Variants in TIPRL observed in about 807,000 individuals in gnomAD.
TIPRL encodes the protein TOR signaling pathway regulator.
In TIPRL, 10 loss-of-function variants were observed where a neutral mutation model predicts 32.3. The observed-to-expected ratio is 0.31, with a 90% CI of 0.19 to 0.52. The LOEUF is 0.52. Ranked by LOEUF, TIPRL falls within the 20% of genes least tolerant of loss-of-function variation. The pLI, the probability that TIPRL is intolerant of heterozygous loss-of-function variation, is 0.96. For missense variants in TIPRL, 250 were observed against 328.1 expected, an observed-to-expected ratio of 0.76 and a Z score of 1.84; for synonymous variants, 100 against 114.0, an observed-to-expected ratio of 0.88 and a Z score of 0.78.
rs891853643 is a variant in TIPRL, at chr1:168,201,639, CAT to C, written c.*1594_*1595del. ...AGACACACACACACACACACACACA[CAT>C]GTTGTGTTCAGCTTTCTGTTTTATA... is the stretch of plus-strand genomic sequence containing the variant. On this transcript the variant is annotated 3_prime_UTR_variant, in exon 7 of 7. Coordinates refer to ENST00000367833, the MANE Select transcript of TIPRL (RefSeq NM_152902.5). 11 of 144,294 alleles carry C rather than the reference CAT, an allele frequency of 7.6e-5. No individual in the cohort carries two copies. The highest frequency in any genetic ancestry group is 3.6e-3 in the Middle Eastern group (1 of 278). 8.9% of individuals were successfully genotyped at this position (144,294 alleles called of 1,614,324 possible).
intron 1 of TIPRL, among the ~76,000 whole-genome samples, chr1:168,180,790 C>G (rs1440866777): frequency 1.4e-5 from 2 of 143,262 alleles, no homozygotes; most frequent in Non-Finnish European, 3.1e-5. Context: ...TTTTTCCTCT[C>G]TATATCTTTC....
intron 1 of TIPRL, among the ~76,000 whole-genome samples, chr1:168,182,309 G>C (rs1254452198): frequency 6.6e-6 from 1 of 151,862 alleles, no homozygotes; most frequent in Non-Finnish European, 1.5e-5. Flanking sequence ...TTTTTAAGTG[G>C]GAAGCTTGAT....
chr1:168,187,436 T>A (rs915062863), intron 3 of TIPRL, among the ~76,000 whole-genome samples: 1 of 152,098 alleles, frequency 6.6e-6, no homozygotes. Flanking sequence ...CAAAAAGCAT[T>A]TGTTCAGTAC....
intron 4 of TIPRL, chr1:168,192,385 T>G: frequency 9.9e-7 from 1 of 1,015,130 alleles, no homozygotes; most frequent in Non-Finnish European, 1.2e-6. Context: ...ATAAAAGAAG[T>G]AGAAAACACA....
intron 1 of TIPRL, among the ~76,000 whole-genome samples, chr1:168,180,223 A>G (rs113278858): frequency 6.6e-6 from 1 of 151,994 alleles, no homozygotes; most frequent in Non-Finnish European, 1.5e-5. Context: ...TGGCCAGCTG[A>G]TGGGAGGAGA....
At chr1:168,197,750 C>T (rs1401814677) in intron 5 of TIPRL, among the ~76,000 whole-genome samples, 2 of 152,138 alleles carry the variant, frequency 1.3e-5, no homozygotes, top group Non-Finnish European at 2.9e-5. Context: ...CGGTCTTGAA[C>T]TCCTGACCTC....
In TIPRL at chr1:168,184,782, G is replaced by A; in HGVS notation, c.288G>A (p.Thr96=). ...CCTTCTCATTTTGGTATTTGAGGAC[G>A]GAGGGTGAACACTCCAAAGAGGTTA... The part of the protein sequence containing the change: ...ACAEEWQESR[T]EGEHSKEVIK... The change falls in exon 3 of 7, where the codon ACG becomes ACA. Residue 96 remains threonine (T), a synonymous_variant. Coordinates refer to ENST00000367833, the MANE Select transcript of TIPRL (RefSeq NM_152902.5). 5 of 1,607,090 alleles carry A rather than the reference G, an allele frequency of 3.1e-6. No individual in the cohort carries two copies. The highest frequency in any genetic ancestry group is 2.2e-5 in the East Asian group (1 of 44,770).
intron 3 of TIPRL, among the ~76,000 whole-genome samples, chr1:168,187,836 G>A (rs12068770): frequency 0.037 from 5,564 of 151,638 alleles, 343 homozygotes; most frequent in African/African-American, 0.13. Flanking sequence ...GGCGGGTCTG[G>A]TGGCACGTGT....
chr1:168,187,123 A>G (rs1338491549), intron 3 of TIPRL, among the ~76,000 whole-genome samples: 3 of 152,250 alleles, frequency 2.0e-5, no homozygotes, highest in Non-Finnish European at 4.4e-5. Flanking sequence ...ACAGCAGAGC[A>G]GACAAAAATT....
intron 3 of TIPRL, among the ~76,000 whole-genome samples, chr1:168,188,010 G>T (rs1341093990): frequency 1.3e-5 from 2 of 152,024 alleles, no homozygotes; most frequent in East Asian, 3.9e-4. Context: ...TCAATAAATG[G>T]CAGCTGTTAC....
chr1:168,190,499 A>G (rs1700083458), intron 3 of TIPRL, among the ~76,000 whole-genome samples: 1 of 152,162 alleles, frequency 6.6e-6, no homozygotes, highest in Non-Finnish European at 1.5e-5. Flanking sequence ...TCCATCTGCT[A>G]ATTTTGTCCA....
chr1:168,189,190 T>C (rs1019362052), intron 3 of TIPRL, among the ~76,000 whole-genome samples: 2 of 152,210 alleles, frequency 1.3e-5, no homozygotes, highest in Non-Finnish European at 2.9e-5. Context: ...CTTACTTTTC[T>C]CGGCTCCAGT....
chr1:168,199,512 A>C (rs2072778), intron 6 of TIPRL, among the ~76,000 whole-genome samples: 1 of 151,916 alleles, frequency 6.6e-6, no homozygotes, highest in Non-Finnish European at 1.5e-5. Context: ...CACGCTTAGT[A>C]TGTACTTCTG....
intron 4 of TIPRL, among the ~76,000 whole-genome samples, chr1:168,195,642 A>AT (rs1301532749): frequency 6.6e-6 from 1 of 152,000 alleles, no homozygotes; most frequent in East Asian, 1.9e-4. Context: ...TGTTACAATC[A>AT]TGGCTCACTG....
chr1:168,184,650 G>A, intron 2 of TIPRL, 129 bp from the exon 3 acceptor site: 1 of 688,700 alleles, frequency 1.5e-6, no homozygotes, highest in Non-Finnish European at 2.5e-6. Flanking sequence ...CCTTGTACTG[G>A]TGAATTATAA....
chr1:168,196,192 C>G (rs1700151577), intron 4 of TIPRL, among the ~76,000 whole-genome samples: 1 of 152,146 alleles, frequency 6.6e-6, no homozygotes, highest in African/African-American at 2.4e-5. Flanking sequence ...GTTGTTCTTT[C>G]ATTTTGGTTT....
intron 4 of TIPRL, among the ~76,000 whole-genome samples, chr1:168,195,679 C>G (rs927364680): frequency 6.6e-6 from 1 of 152,084 alleles, no homozygotes; most frequent in African/African-American, 2.4e-5. Flanking sequence ...CCCAAGCCAT[C>G]CTCCCAGCTT....
chr1:168,191,665 G>A (rs1700097636), intron 4 of TIPRL, among the ~76,000 whole-genome samples, 165 bp downstream of exon 4: 1 of 151,944 alleles, frequency 6.6e-6, no homozygotes, highest in South Asian at 2.1e-4. Flanking sequence ...CAGGTCAGGA[G>A]ACCGAGACCA....
At chr1:168,195,623 G>A (rs1700144446) in intron 4 of TIPRL, among the ~76,000 whole-genome samples, 1 of 152,192 alleles carries the variant, frequency 6.6e-6, no homozygotes, top group South Asian at 2.1e-4. Flanking sequence ...TGCCCAGGCT[G>A]GAGTGCAGTG....
Sources: gnomAD v4.1 joint callset for allele counts (sites outside exome capture counted in the v4.1 genomes callset) on GRCh38, gnomAD v4.1.1 for gene constraint, MANE v1.5 for transcripts, NCBI Gene and HGNC (gene_info 2026-07-23, HGNC 2026-07-21) for gene names.